Variants in RAB9B observed in about 807,000 individuals in gnomAD.
The protein encoded by RAB9B is ras-related protein Rab-9B.
A neutral mutation model predicts 8.9 loss-of-function variants in RAB9B; 1 was observed. The observed-to-expected ratio is 0.11, with a 90% CI of 0.04 to 0.53. The LOEUF (loss-of-function observed/expected upper bound fraction) is 0.53, where lower values mean the gene tolerates loss of function less well. Among genes scored for constraint, RAB9B ranks in the 20% least tolerant of loss-of-function variants. The pLI, the probability that RAB9B is intolerant of heterozygous loss-of-function variation, is 0.93. For missense variants in RAB9B, 82 were observed against 152.9 expected (o/e 0.54, Z 2.45); for synonymous variants, 63 against 57.0 (o/e 1.10, Z -0.47).
At chrX:103,792,106 G>C in the RAB9B span, 3 of 107,248 alleles carry the variant, frequency 2.8e-5, no homozygotes, top group African/African-American at 1.0e-4. Flanking sequence ...TCCTGTTTTT[G>C]TTAACTTTGG....
the RAB9B span, among the ~76,000 whole-genome samples, chrX:103,798,130 G>A: frequency 3.6e-5 from 4 of 111,909 alleles, no homozygotes; most frequent in Non-Finnish European, 7.5e-5. Flanking sequence ...CAGATTTGCT[G>A]TGTGTCATTA....
the RAB9B span, among the ~76,000 whole-genome samples, chrX:103,805,410 T>C: frequency 8.9e-6 from 1 of 111,783 alleles, no homozygotes; most frequent in East Asian, 2.8e-4. Context: ...ATTGAGGATG[T>C]TTGCATCTAT....
At chrX:103,811,530 T>TA in the RAB9B span, among the ~76,000 whole-genome samples, 1 of 111,828 alleles carries the variant, frequency 8.9e-6, no homozygotes, top group East Asian at 2.8e-4. Flanking sequence ...AAATGCCAGT[T>TA]AAAATCTCTG....
the RAB9B span, chrX:103,788,573 G>A: frequency 1.2e-6 from 1 of 850,566 alleles, no homozygotes; most frequent in Non-Finnish European, 1.8e-6. Context: ...TTACACCCAT[G>A]GCCTTCAATT....
At chrX:103,802,412 C>T in the RAB9B span, among the ~76,000 whole-genome samples, 2 of 111,588 alleles carry the variant, frequency 1.8e-5, no homozygotes, top group Non-Finnish European at 3.8e-5. Context: ...CCTGGAATGG[C>T]ATCCTTTGCT....
At chrX:103,827,138 C>T (rs778175322) in intron 1 of RAB9B, 60 bp from the exon 2 acceptor site, 66 of 107,883 alleles carry the variant, frequency 6.1e-4, no homozygotes, top group Non-Finnish European at 9.8e-4. Flanking sequence ...AACGTTAAGG[C>T]TCTATATAAA....
the RAB9B span, chrX:103,776,735 G>C: frequency 2.9e-6 from 1 of 347,951 alleles, no homozygotes; most frequent in Middle Eastern, 6.3e-4. Context: ...CTTAGAGAAG[G>C]GAGTATCCCT....
the RAB9B span, among the ~76,000 whole-genome samples, chrX:103,780,439 C>CTGTGTG: frequency 5.9e-5 from 6 of 102,515 alleles, no homozygotes; most frequent in East Asian, 9.8e-4. Context: ...CTGTCTCTCT[C>CTGTGTG]TGTGTGTGTG....
At chrX:103,788,424 G>T in the RAB9B span, 21 of 1,190,740 alleles carry the variant, frequency 1.8e-5, no homozygotes, top group South Asian at 1.8e-5. Flanking sequence ...CTTGCTTTTT[G>T]TGTCTTACTT....
Position 103,825,372 on chromosome X carries a change from G to A in RAB9B, c.413C>T (p.Ala138Val). The change falls in exon 3 of 3, where the codon GCA becomes GTA. Residue 138 changes from alanine (A) to valine (V), a missense_variant. Ala to Val is a moderately conservative substitution (Grantham distance 64). Transcript: ENST00000243298. Reference sequence around the variant, plus strand: ...CCCATTCTCCATGCACCAGGTTTGTGCCTCCTCAGTAGTCACTTGCCTATC... The same window carrying A: ...CCCATTCTCCATGCACCAGGTTTGTACCTCCTCAGTAGTCACTTGCCTATC... ...KEDRQVTTEEAQTWCMENGDY... is the reference protein window; with the variant it reads ...KEDRQVTTEEVQTWCMENGDY... 8.3e-7 allele frequency: 1 copy of A among 1,211,646 alleles called. No individual in the cohort carries two copies. Among genetic ancestry groups the A allele is most frequent in the South Asian group, 1.8e-5 (1 of 56,971 alleles).
chrX:103,795,096 TAC>T, the RAB9B span, among the ~76,000 whole-genome samples: 2 of 111,327 alleles, frequency 1.8e-5, no homozygotes, highest in African/African-American at 6.5e-5. Flanking sequence ...ATAAAAGAGA[TAC>T]AGTCTCAGCC....
chrX:103,788,910 T>C, the RAB9B span: 1 of 274,352 alleles, frequency 3.6e-6, no homozygotes, highest in Non-Finnish European at 6.5e-6. Context: ...TTATCTCAAA[T>C]GAGAGGTAAA....
chrX:103,825,849 G>A, intron 2 of RAB9B, 23 bp from the exon 3 acceptor site: 1 of 1,058,006 alleles, frequency 9.5e-7, no homozygotes. Flanking sequence ...GGAAAAGTAG[G>A]AGGGAAAACA....
chrX:103,820,874 C>T (rs921478079), downstream of RAB9B, among the ~76,000 whole-genome samples: 4 of 108,443 alleles, frequency 3.7e-5, no homozygotes, highest in Non-Finnish European at 7.6e-5. Flanking sequence ...CGCTTGAGTC[C>T]GGGAGGCCGA....
chrX:103,789,753 A>C, the RAB9B span, among the ~76,000 whole-genome samples: 143 of 112,312 alleles, frequency 1.3e-3, 1 homozygote, highest in Non-Finnish European at 6.2e-4. Context: ...AAACACTGAA[A>C]CATCACGAAA....
At chrX:103,814,209 T>A in the RAB9B span, among the ~76,000 whole-genome samples, 3 of 111,734 alleles carry the variant, frequency 2.7e-5, no homozygotes, top group South Asian at 7.6e-4. Flanking sequence ...TTAGCAAATG[T>A]AAAAGAACAG....
chrX:103,809,882 G>A, the RAB9B span, among the ~76,000 whole-genome samples: 1 of 108,532 alleles, frequency 9.2e-6, no homozygotes. Flanking sequence ...CTCCCACCTC[G>A]ACCTCCAAAG....
chrX:103,801,105 C>T, the RAB9B span, among the ~76,000 whole-genome samples: 4 of 111,380 alleles, frequency 3.6e-5, no homozygotes, highest in Non-Finnish European at 7.5e-5. Context: ...CATTCTCTCC[C>T]CTTCTGTCTT....
the RAB9B span, chrX:103,787,981 G>A: frequency 5.1e-6 from 6 of 1,184,336 alleles, no homozygotes; most frequent in African/African-American, 3.5e-5. Flanking sequence ...GTTAGGGTAC[G>A]GGTGCTTTGG....
Sources: allele counts gnomAD v4.1 joint callset (sites outside exome capture counted in the v4.1 genomes callset), GRCh38; gene constraint gnomAD v4.1.1; transcripts MANE v1.5; gene names NCBI Gene and HGNC (gene_info 2026-07-23, HGNC 2026-07-21).